The following EPHA6 variants were observed in gnomAD, a reference collection of about 807,000 sequenced individuals.
The protein encoded by EPHA6 is ephrin type-A receptor 6.
In EPHA6, 50 loss-of-function variants were observed where a neutral mutation model predicts 112.0. The ratio of observed to expected loss-of-function variants is 0.45; its 90% confidence interval spans 0.36 to 0.56. The LOEUF is 0.56. EPHA6 is among the 20% of genes least tolerant of loss of function. The probability of loss-of-function intolerance (pLI) is 0.00; values close to 1 mark genes in which losing one functional copy is unlikely to be tolerated. For synonymous variants in EPHA6, 529 were observed against 490.7 expected, an observed-to-expected ratio of 1.08 and a Z score of -1.03; for missense variants, 1,280 against 1,417.4, an observed-to-expected ratio of 0.90 and a Z score of 1.56.
At chr3:97,199,166 A>G (rs764776092) in intron 3 of EPHA6, among the ~76,000 whole-genome samples, 11 of 152,078 alleles carry the variant, frequency 7.2e-5, no homozygotes, top group Non-Finnish European at 1.6e-4. Flanking sequence ...TTTTCTGAAA[A>G]TAATAACAAC....
intron 3 of EPHA6, among the ~76,000 whole-genome samples, chr3:97,212,119 G>A (rs902745689): frequency 6.6e-6 from 1 of 152,072 alleles, no homozygotes; most frequent in African/African-American, 2.4e-5. Flanking sequence ...ATGACAAACT[G>A]TCATAACTAG....
chr3:97,156,614 G>A (rs1313117246), intron 3 of EPHA6, among the ~76,000 whole-genome samples: 1 of 152,088 alleles, frequency 6.6e-6, no homozygotes, highest in Non-Finnish European at 1.5e-5. Context: ...TATGACACAG[G>A]CAAATTTGCT....
chr3:97,309,830 TA>T, intron 5 of EPHA6, among the ~76,000 whole-genome samples: 1 of 151,768 alleles, frequency 6.6e-6, no homozygotes, highest in South Asian at 2.1e-4. Flanking sequence ...ATGTTTTTAG[TA>T]ACCACCTTTG....
intron 7 of EPHA6, 144 bp downstream of exon 7, chr3:97,448,874 CA>C (rs2107320352): frequency 1.4e-6 from 1 of 737,942 alleles, no homozygotes; most frequent in Non-Finnish European, 2.2e-6. Flanking sequence ...ACAGTCATTT[CA>C]GTTAATATTT....
At chr3:97,550,592 G>A (rs2093016125) in intron 11 of EPHA6, among the ~76,000 whole-genome samples, 1 of 152,162 alleles carries the variant, frequency 6.6e-6, no homozygotes, top group Non-Finnish European at 1.5e-5. Context: ...AGACACTGAT[G>A]CAATTCTGCA....
chr3:96,841,710 T>C (rs545674228), intron 1 of EPHA6, among the ~76,000 whole-genome samples: 4 of 138,502 alleles, frequency 2.9e-5, no homozygotes, highest in African/African-American at 1.3e-4. Context: ...GTTTTAAGCA[T>C]GTTGAACTTT....
intron 3 of EPHA6, among the ~76,000 whole-genome samples, chr3:97,116,873 A>G (rs944604704): frequency 2.6e-5 from 4 of 151,648 alleles, no homozygotes; most frequent in Admixed American, 2.6e-4. Flanking sequence ...GCTGGATCAT[A>G]TGGTAGTTTT....
At chr3:97,726,201 A>G (rs2034758965) in intron 15 of EPHA6, among the ~76,000 whole-genome samples, 1 of 152,126 alleles carries the variant, frequency 6.6e-6, no homozygotes. Flanking sequence ...ACCCATGGTT[A>G]CATAGCTGGT....
intron 10 of EPHA6, among the ~76,000 whole-genome samples, chr3:97,513,465 A>G (rs748370479): frequency 3.2e-4 from 48 of 152,338 alleles, no homozygotes; most frequent in Non-Finnish European, 2.1e-4. Flanking sequence ...GTGATGTGGT[A>G]TATGTACACA....
At chr3:97,234,638 G>A (rs368583734) in intron 4 of EPHA6, among the ~76,000 whole-genome samples, 1 of 151,754 alleles carries the variant, frequency 6.6e-6, no homozygotes, top group Admixed American at 6.6e-5. Flanking sequence ...TGCAATCTCC[G>A]TTTCACCCTC....
At chr3:97,158,045 C>G (rs1010840115) in intron 3 of EPHA6, among the ~76,000 whole-genome samples, 1 of 152,132 alleles carries the variant, frequency 6.6e-6, no homozygotes, top group Non-Finnish European at 1.5e-5. Context: ...ATAACAAGGT[C>G]ATGTTTCCTC....
chr3:97,420,455 G>GA (rs1170900069), intron 6 of EPHA6, among the ~76,000 whole-genome samples: 2 of 151,844 alleles, frequency 1.3e-5, no homozygotes, highest in Non-Finnish European at 2.9e-5. Flanking sequence ...ACACAAACTA[G>GA]AAAAAACTTC....
intron 1 of EPHA6, among the ~76,000 whole-genome samples, chr3:96,833,881 A>G (rs774035425): frequency 6.6e-6 from 1 of 152,036 alleles, no homozygotes; most frequent in African/African-American, 2.4e-5. Context: ...GACCTTATTC[A>G]TTCCAATTCA....
intron 14 of EPHA6, among the ~76,000 whole-genome samples, chr3:97,670,993 G>C (rs1047761809): frequency 6.6e-6 from 1 of 152,082 alleles, no homozygotes; most frequent in African/African-American, 2.4e-5. Context: ...TATCATAGAG[G>C]ATCTTCTAGA....
chr3:97,675,446 C>T (rs1001914538), intron 14 of EPHA6, among the ~76,000 whole-genome samples: 1 of 152,140 alleles, frequency 6.6e-6, no homozygotes, highest in Non-Finnish European at 1.5e-5. Context: ...TGACACTGCA[C>T]TCCAGCCTGG....
At chr3:97,608,946 A>G (rs906057152) in intron 12 of EPHA6, among the ~76,000 whole-genome samples, 4 of 151,408 alleles carry the variant, frequency 2.6e-5, no homozygotes, top group African/African-American at 9.7e-5. Context: ...ACTTTAGACA[A>G]GCAGTTTAAT....
intron 3 of EPHA6, among the ~76,000 whole-genome samples, chr3:97,132,486 G>T (rs921148056): frequency 6.6e-6 from 1 of 151,966 alleles, no homozygotes; most frequent in African/African-American, 2.4e-5. Context: ...TCCTGTGTTA[G>T]TAAAGTAGAT....
intron 14 of EPHA6, among the ~76,000 whole-genome samples, chr3:97,705,465 G>T (rs544466187): frequency 9.9e-5 from 15 of 152,244 alleles, no homozygotes; most frequent in East Asian, 9.7e-4. Flanking sequence ...TGTTGTGATT[G>T]TACACTACAT....
intron 3 of EPHA6, among the ~76,000 whole-genome samples, chr3:97,027,677 C>A (rs1420692548): frequency 6.6e-6 from 1 of 152,088 alleles, no homozygotes; most frequent in Non-Finnish European, 1.5e-5. Flanking sequence ...TTTAATGTCC[C>A]AAACTCAAAC....
Sources: gnomAD v4.1 joint callset for allele counts (sites outside exome capture counted in the v4.1 genomes callset) on GRCh38, gnomAD v4.1.1 for gene constraint, MANE v1.5 for transcripts, NCBI Gene and HGNC (gene_info 2026-07-23, HGNC 2026-07-21) for gene names.